The following CSNK1G3 variants were observed in gnomAD, a reference collection of about 807,000 sequenced individuals.
CSNK1G3 encodes casein kinase 1 gamma 3.
CSNK1G3 carries 23 observed loss-of-function variants against 64.3 expected under a neutral mutation model. That is an observed-to-expected ratio of 0.36 (90% CI 0.26 to 0.51). The LOEUF is 0.51. Ranked by LOEUF, CSNK1G3 falls within the 20% of genes least tolerant of loss-of-function variation. CSNK1G3 has a pLI of 0.96. For missense variants in CSNK1G3, 357 were observed against 510.5 expected, an observed-to-expected ratio of 0.70 and a Z score of 2.90; for synonymous variants, 158 against 162.2, an observed-to-expected ratio of 0.97 and a Z score of 0.20.
At chr5:123,613,886 C>G (rs963818484) in intron 12 of CSNK1G3, among the ~76,000 whole-genome samples, 1 of 152,108 alleles carries the variant, frequency 6.6e-6, no homozygotes, top group Admixed American at 6.6e-5. Flanking sequence ...TTCTGTCTTT[C>G]ACTTTTTTAA....
intron 10 of CSNK1G3, among the ~76,000 whole-genome samples, chr5:123,593,679 A>G (rs1386639666): frequency 6.6e-6 from 1 of 152,102 alleles, no homozygotes; most frequent in African/African-American, 2.4e-5. Context: ...AAATCTGCTT[A>G]ATTCTGGTTA....
At position 123,569,991 on chromosome 5, in the gene CSNK1G3, T is replaced by C. The variant is rs908704100; in HGVS notation, c.290-3402T>C. On this transcript the variant is annotated intron_variant, in intron 4 of 12. Coordinates refer to ENST00000345990, the Ensembl canonical transcript of CSNK1G3. ...TTAAGGTTTTTGCCATTTCTTCTAT[T>C]ATTATGGTGAATTATATTGGTGGAT... Among the ~76,000 whole-genome samples the C allele has an allele frequency of 5.3e-5, 8 of 152,208 alleles. No homozygotes were observed. In the East Asian group the frequency reaches 1.3e-3, roughly 26 times the overall value.
At chr5:123,553,692 C>T (rs932315329) in intron 3 of CSNK1G3, among the ~76,000 whole-genome samples, 2 of 152,168 alleles carry the variant, frequency 1.3e-5, no homozygotes, top group Non-Finnish European at 2.9e-5. Context: ...CTGAAGTTTT[C>T]AATGTGCCCA....
intron 1 of CSNK1G3, among the ~76,000 whole-genome samples, chr5:123,542,000 G>T (rs551849437): frequency 6.6e-6 from 1 of 151,676 alleles, no homozygotes; most frequent in South Asian, 2.1e-4. Flanking sequence ...TTTGAACTAG[G>T]TATTAAAATG....
At chr5:123,601,873 A>G (rs1440790994) in intron 10 of CSNK1G3, among the ~76,000 whole-genome samples, 1 of 152,164 alleles carries the variant, frequency 6.6e-6, no homozygotes, top group Non-Finnish European at 1.5e-5. Context: ...TTGATTATGT[A>G]CTGGATACAG....
At chr5:123,540,586 AT>A (rs1185358974) in intron 1 of CSNK1G3, among the ~76,000 whole-genome samples, 2 of 151,860 alleles carry the variant, frequency 1.3e-5, no homozygotes, top group African/African-American at 4.8e-5. Context: ...TAATTTTCAA[AT>A]TTTGGGACTC....
At chr5:123,603,175 T>G (rs57143793) in intron 10 of CSNK1G3, among the ~76,000 whole-genome samples, 1 of 152,026 alleles carries the variant, frequency 6.6e-6, no homozygotes, top group South Asian at 2.1e-4. Flanking sequence ...ATAACTCTTA[T>G]TAGAGTTCTT....
intron 11 of CSNK1G3, among the ~76,000 whole-genome samples, chr5:123,605,046 T>A (rs1795111107): frequency 6.6e-6 from 1 of 152,164 alleles, no homozygotes; most frequent in Non-Finnish European, 1.5e-5. Context: ...AAGAACTGTG[T>A]TCAAATTCTT....
intron 10 of CSNK1G3, among the ~76,000 whole-genome samples, chr5:123,602,303 T>C (rs1331889920): frequency 6.6e-6 from 1 of 152,194 alleles, no homozygotes; most frequent in East Asian, 1.9e-4. Context: ...TGTTGGTTGA[T>C]TTGTAGATAT....
At chr5:123,583,588 T>C (rs1263069959) in intron 6 of CSNK1G3, among the ~76,000 whole-genome samples, 1 of 152,152 alleles carries the variant, frequency 6.6e-6, no homozygotes, top group Non-Finnish European at 1.5e-5. Flanking sequence ...GCTCTCGAAC[T>C]CCCAACCTCA....
chr5:123,519,242 C>T (rs776626133), intron 1 of CSNK1G3, among the ~76,000 whole-genome samples: 8 of 144,134 alleles, frequency 5.6e-5, no homozygotes, highest in Non-Finnish European at 9.1e-5. Flanking sequence ...TTAGTAGAGA[C>T]GGGGTTTTGC....
intron 5 of CSNK1G3, among the ~76,000 whole-genome samples, chr5:123,573,891 C>T (rs1788614129): frequency 1.4e-5 from 2 of 140,636 alleles, no homozygotes; most frequent in Non-Finnish European, 1.5e-5. Flanking sequence ...GCTTTGTTGT[C>T]CAGGGCGGAG....
chr5:123,538,114 T>A (rs1781128677), intron 1 of CSNK1G3, among the ~76,000 whole-genome samples: 1 of 152,252 alleles, frequency 6.6e-6, no homozygotes, highest in Non-Finnish European at 1.5e-5. Flanking sequence ...TTTTGACTAT[T>A]ACTATAAGTG....
At chr5:123,522,371 C>G (rs1317379855) in intron 1 of CSNK1G3, among the ~76,000 whole-genome samples, 1 of 152,046 alleles carries the variant, frequency 6.6e-6, no homozygotes, top group African/African-American at 2.4e-5. Flanking sequence ...GGCGTGGTGG[C>G]ACACGCCTGT....
At chr5:123,578,251 A>T (rs904402975) in intron 6 of CSNK1G3, among the ~76,000 whole-genome samples, 2 of 151,834 alleles carry the variant, frequency 1.3e-5, no homozygotes, top group Non-Finnish European at 3.0e-5. Context: ...TGTTCTCAGG[A>T]GTGTTCATAC....
At chr5:123,586,864 A>C (rs1791421010) in intron 6 of CSNK1G3, among the ~76,000 whole-genome samples, 1 of 152,228 alleles carries the variant, frequency 6.6e-6, no homozygotes, top group Non-Finnish European at 1.5e-5. Context: ...ACAGTTCCAC[A>C]TGGCTGGGGA....
intron 1 of CSNK1G3, among the ~76,000 whole-genome samples, chr5:123,518,050 A>G (rs1239374478): frequency 6.6e-6 from 1 of 152,034 alleles, no homozygotes; most frequent in Non-Finnish European, 1.5e-5. Flanking sequence ...TATGGTCCCT[A>G]ATCTGATTTC....
chr5:123,591,463 T>TAG, intron 10 of CSNK1G3, 49 bp downstream of exon 10: 3 of 1,233,692 alleles, frequency 2.4e-6, no homozygotes, highest in Non-Finnish European at 3.5e-6. Context: ...GATTGAAACA[T>TAG]ACACTTTTTT....
rs1325651637 is a variant in CSNK1G3, at chr5:123,545,797, T to C, written c.134T>C (p.Val45Ala). ...TTAATGGTTGGACCTAACTTTAGAG[T>C]TGGAAAAAAAATTGGATGTGGCAAT... The change falls in exon 2 of 13, where the codon GTT (valine) becomes GCT (alanine). Residue 45 changes from valine (V) to alanine (A), a missense_variant. Physicochemically the swap from Val to Ala is moderately conservative, Grantham distance 64. Transcript: ENST00000345990. The C allele has an allele frequency of 6.2e-7, 1 of 1,613,512 alleles. No homozygotes were observed. Among genetic ancestry groups the C allele is most frequent in the Non-Finnish European group, 8.5e-7 (1 of 1,179,692 alleles).
Sources: allele counts gnomAD v4.1 joint callset (sites outside exome capture counted in the v4.1 genomes callset), GRCh38; gene constraint gnomAD v4.1.1; transcripts MANE v1.5; gene names NCBI Gene and HGNC (gene_info 2026-07-23, HGNC 2026-07-21).